Variants in KHDRBS2 observed in about 807,000 individuals in gnomAD.
KHDRBS2 encodes KH domain-containing, RNA-binding, signal transduction-associated protein 2.
A neutral mutation model predicts 44.3 loss-of-function variants in KHDRBS2; 26 were observed. The observed-to-expected ratio is 0.59, with a 90% CI of 0.43 to 0.81. The LOEUF is 0.81. Ranked by LOEUF, KHDRBS2 falls within the 40% of genes least tolerant of loss-of-function variation. The pLI is 0.00. For synonymous variants in KHDRBS2, 194 were observed against 151.1 expected (o/e 1.28, Z -2.08); for missense variants, 476 against 433.1 (o/e 1.10, Z -0.88).
At chr6:62,107,197 T>C (rs1195434479) in intron 2 of KHDRBS2, among the ~76,000 whole-genome samples, 4 of 152,082 alleles carry the variant, frequency 2.6e-5, no homozygotes, top group Admixed American at 6.6e-5. Context: ...GAAAACCCCA[T>C]TGTCTCAGCC....
At chr6:61,548,872 C>T in the KHDRBS2 span, among the ~76,000 whole-genome samples, 6 of 152,062 alleles carry the variant, frequency 3.9e-5, no homozygotes, top group African/African-American at 1.4e-4. Context: ...TGGCCACTAC[C>T]ACTCAGGAGA....
chr6:62,206,688 C>A (rs1171547180), intron 1 of KHDRBS2, among the ~76,000 whole-genome samples: 2 of 151,944 alleles, frequency 1.3e-5, no homozygotes, highest in African/African-American at 2.4e-5. Context: ...AGTTTCAATT[C>A]TTTATGATTC....
chr6:62,065,689 C>A (rs575590212), intron 2 of KHDRBS2, among the ~76,000 whole-genome samples: 1 of 145,108 alleles, frequency 6.9e-6, no homozygotes, highest in Admixed American at 6.9e-5. Flanking sequence ...TGCTAGATGA[C>A]GAGTTAGTGG....
chr6:61,875,568 G>C (rs925174632), intron 6 of KHDRBS2, among the ~76,000 whole-genome samples: 13 of 152,102 alleles, frequency 8.5e-5, no homozygotes, highest in African/African-American at 2.9e-4. Flanking sequence ...CTATATAACT[G>C]TTTGTCCTTC....
chr6:62,084,465 C>T (rs746490001), intron 2 of KHDRBS2, among the ~76,000 whole-genome samples: 1 of 152,150 alleles, frequency 6.6e-6, no homozygotes, highest in Non-Finnish European at 1.5e-5. Flanking sequence ...AAAGTTATGA[C>T]ACTCTGCTGT....
intron 3 of KHDRBS2, among the ~76,000 whole-genome samples, chr6:61,998,457 A>G (rs945271611): frequency 6.6e-6 from 1 of 152,102 alleles, no homozygotes; most frequent in Non-Finnish European, 1.5e-5. Flanking sequence ...TTTGGTTTTA[A>G]TTAATACTCA....
the KHDRBS2 span, among the ~76,000 whole-genome samples, chr6:61,543,590 C>A: frequency 2.0e-5 from 3 of 151,974 alleles, no homozygotes; most frequent in African/African-American, 7.2e-5. Context: ...ATCCACCAAT[C>A]CCACTGCTAG....
At chr6:61,671,692 G>C in the KHDRBS2 span, among the ~76,000 whole-genome samples, 2 of 151,526 alleles carry the variant, frequency 1.3e-5, no homozygotes, top group African/African-American at 4.8e-5. Context: ...CTAGAATTTT[G>C]CCAAATGTTA....
At chr6:62,111,754 C>T (rs1207736865) in intron 2 of KHDRBS2, among the ~76,000 whole-genome samples, 7 of 151,978 alleles carry the variant, frequency 4.6e-5, no homozygotes, top group African/African-American at 1.7e-4. Context: ...TGGTGGCACA[C>T]TTCTGTAGTC....
At position 61,680,057 on chromosome 6, in the gene KHDRBS2, T is replaced by C. The variant is rs1766156316; in HGVS notation, c.*906A>G. ...CCATGATTCATGTAACAGTTTAGTTTGTTAACTTTTAAATTATTTAACAAC... is the reference window on the plus strand; with the variant it reads ...CCATGATTCATGTAACAGTTTAGTTCGTTAACTTTTAAATTATTTAACAAC... On this transcript the variant is annotated 3_prime_UTR_variant, in exon 9 of 9. Transcript: ENST00000281156. The C allele has an allele frequency of 6.6e-6, 1 of 152,206 alleles. No homozygotes were observed. Among genetic ancestry groups the C allele is most frequent in the East Asian group, 1.9e-4 (1 of 5,162 alleles). 9.4% of individuals were successfully genotyped at this position (152,206 alleles called of 1,614,324 possible).
chr6:61,932,426 C>A (rs1049915102), intron 4 of KHDRBS2, among the ~76,000 whole-genome samples: 1 of 152,116 alleles, frequency 6.6e-6, no homozygotes, highest in Admixed American at 6.6e-5. Context: ...TCTCTCTCTC[C>A]GCTAACCACT....
intron 2 of KHDRBS2, among the ~76,000 whole-genome samples, chr6:62,061,579 C>T (rs1021112600): frequency 1.3e-5 from 2 of 150,118 alleles, no homozygotes; most frequent in African/African-American, 4.9e-5. Context: ...GAGGGTAACC[C>T]GAGCTTTCTC....
At chr6:61,823,003 T>C (rs79564958) in intron 6 of KHDRBS2, among the ~76,000 whole-genome samples, 1 of 152,064 alleles carries the variant, frequency 6.6e-6, no homozygotes, top group African/African-American at 2.4e-5. Context: ...AGTTTTTTTT[T>C]ACTATTAAAT....
At chr6:62,136,082 G>A (rs938905848) in intron 2 of KHDRBS2, among the ~76,000 whole-genome samples, 1 of 151,056 alleles carries the variant, frequency 6.6e-6, no homozygotes, top group African/African-American at 2.4e-5. Flanking sequence ...GGAAAAGAAA[G>A]GTAACTAGGT....
At chr6:61,673,239 G>A in the KHDRBS2 span, among the ~76,000 whole-genome samples, 3 of 151,964 alleles carry the variant, frequency 2.0e-5, no homozygotes, top group African/African-American at 7.2e-5. Context: ...ATGCTGTTTT[G>A]GTTACTGTAG....
chr6:61,592,720 A>C, the KHDRBS2 span, among the ~76,000 whole-genome samples: 3 of 152,152 alleles, frequency 2.0e-5, no homozygotes, highest in Non-Finnish European at 4.4e-5. Context: ...TATTTTCAGA[A>C]AGTTTCATAT....
At chr6:61,646,500 CA>C in the KHDRBS2 span, among the ~76,000 whole-genome samples, 2 of 151,838 alleles carry the variant, frequency 1.3e-5, no homozygotes, top group African/African-American at 2.4e-5. Context: ...TTGGGGTGTG[CA>C]AAAAAATAGC....
At chr6:61,573,086 A>T in the KHDRBS2 span, among the ~76,000 whole-genome samples, 2 of 152,176 alleles carry the variant, frequency 1.3e-5, no homozygotes, top group African/African-American at 4.8e-5. Flanking sequence ...ACTCAGCCAA[A>T]AAGCTCCTAG....
intron 4 of KHDRBS2, among the ~76,000 whole-genome samples, chr6:61,906,850 G>A (rs1805122451): frequency 6.6e-6 from 1 of 151,222 alleles, no homozygotes; most frequent in Admixed American, 6.6e-5. Flanking sequence ...AGGGTGCTGC[G>A]ATAAACATGG....
Sources: allele counts gnomAD v4.1 joint callset (sites outside exome capture counted in the v4.1 genomes callset), GRCh38; gene constraint gnomAD v4.1.1; transcripts MANE v1.5; gene names NCBI Gene and HGNC (gene_info 2026-07-23, HGNC 2026-07-21).